The following CNNM2 variants were observed in gnomAD, a reference collection of about 807,000 sequenced individuals.
The protein encoded by CNNM2 is cyclin and CBS domain divalent metal cation transport mediator 2.
In CNNM2, 12 loss-of-function variants were observed where a neutral mutation model predicts 66.9. The ratio of observed to expected loss-of-function variants is 0.18; its 90% CI spans 0.11 to 0.29. CNNM2 has a LOEUF of 0.29. CNNM2 is among the 10% of genes least tolerant of loss of function. The pLI is 1.00. For synonymous variants in CNNM2, 557 were observed against 501.8 expected (o/e 1.11, Z -1.47); for missense variants, 705 against 1,167.7 (o/e 0.60, Z 5.77).
chr10:102,997,562 G>A (rs1408683662), intron 1 of CNNM2, among the ~76,000 whole-genome samples: 1 of 152,016 alleles, frequency 6.6e-6, no homozygotes, highest in Non-Finnish European at 1.5e-5. Context: ...TATTTATGTA[G>A]CATTTGTCTA....
intron 1 of CNNM2, among the ~76,000 whole-genome samples, chr10:103,030,499 G>A (rs1370180248): frequency 6.6e-6 from 1 of 152,192 alleles, no homozygotes; most frequent in Non-Finnish European, 1.5e-5. Context: ...TGGATCACTT[G>A]AGGTCAGGAG....
intron 4 of CNNM2, among the ~76,000 whole-genome samples, chr10:103,062,190 G>A (rs2065397793): frequency 6.6e-6 from 1 of 152,174 alleles, no homozygotes; most frequent in African/African-American, 2.4e-5. Context: ...CATGTGCCCG[G>A]CCCATCCACA....
chr10:102,957,819 A>G (rs1197515240), intron 1 of CNNM2, among the ~76,000 whole-genome samples: 1 of 152,218 alleles, frequency 6.6e-6, no homozygotes, highest in African/African-American at 2.4e-5. Context: ...TTACCTGGGC[A>G]TTACTTGTTT....
intron 1 of CNNM2, among the ~76,000 whole-genome samples, chr10:103,015,859 A>G (rs1218852035): frequency 6.6e-6 from 1 of 152,070 alleles, no homozygotes; most frequent in Non-Finnish European, 1.5e-5. Flanking sequence ...TCTCAAAAAA[A>G]CAACAACAAA....
intron 1 of CNNM2, among the ~76,000 whole-genome samples, chr10:102,926,265 C>T (rs1011858997): frequency 2.0e-5 from 3 of 152,174 alleles, no homozygotes; most frequent in African/African-American, 7.2e-5. Context: ...TATTGCGTTA[C>T]TAGGATCACC....
At chr10:102,990,981 G>T (rs1378688792) in intron 1 of CNNM2, among the ~76,000 whole-genome samples, 2 of 152,032 alleles carry the variant, frequency 1.3e-5, no homozygotes, top group African/African-American at 2.4e-5. Flanking sequence ...TTTCCATTGT[G>T]GCTGTAGGAA....
chr10:103,014,292 G>A (rs2134276063), intron 1 of CNNM2, among the ~76,000 whole-genome samples: 1 of 152,302 alleles, frequency 6.6e-6, no homozygotes, highest in East Asian at 1.9e-4. Context: ...TGGTATCAGT[G>A]ATACTAACGA....
intron 5 of CNNM2, among the ~76,000 whole-genome samples, chr10:103,069,234 TG>T (rs1186353718): frequency 2.0e-5 from 3 of 152,204 alleles, no homozygotes; most frequent in Admixed American, 1.3e-4. Context: ...TGATAGACAT[TG>T]GGGTAGTCCC....
intron 1 of CNNM2, among the ~76,000 whole-genome samples, chr10:102,970,397 C>G (rs2063530709): frequency 6.6e-6 from 1 of 152,178 alleles, no homozygotes; most frequent in Admixed American, 6.6e-5. Flanking sequence ...ACAGCCATGC[C>G]TATTCATTTA....
At chr10:102,965,584 C>T (rs576628763) in intron 1 of CNNM2, among the ~76,000 whole-genome samples, 1 of 152,216 alleles carries the variant, frequency 6.6e-6, no homozygotes, top group East Asian at 1.9e-4. Flanking sequence ...CTTTTAATTC[C>T]CTGTAGTGTC....
At position 103,047,205 on chromosome 10, in the gene CNNM2, G is replaced by C. The variant is rs368456716; in HGVS notation, c.1622-2502G>C. 7.9e-5 allele frequency among the ~76,000 whole-genome samples: 12 copies of C among 152,138 alleles called. No individual in the cohort carries two copies. In the East Asian group the frequency reaches 1.9e-3, roughly 24 times the overall value. ...ACAGCCTTAACCAAGTGATGAAAAA[G>C]GTGAATGTCAGCAGTGATGTCATAT... On this transcript the variant is annotated intron_variant, in intron 1 of 7. Transcript: ENST00000369878.
intron 1 of CNNM2, among the ~76,000 whole-genome samples, chr10:102,989,672 G>C (rs907261945): frequency 1.3e-5 from 2 of 151,712 alleles, no homozygotes; most frequent in Non-Finnish European, 2.9e-5. Flanking sequence ...GCATGGTGGC[G>C]CATCCTTGTG....
chr10:103,054,448 C>T lies in CNNM2; in HGVS notation c.1885C>T (p.His629Tyr). The T allele has an allele frequency of 6.2e-7, 1 of 1,613,896 alleles. No homozygotes were observed. Among genetic ancestry groups the T allele is most frequent in the Non-Finnish European group, 8.5e-7 (1 of 1,179,858 alleles). ...ATCACCACAGCTCCTCCTGGCCATG[C>T]ACCGTTTCCTAGCAACAGGCAAGTG... Reference protein sequence around the residue: ...KISPQLLLAMHRFLATEVEAF... With the variant: ...KISPQLLLAMYRFLATEVEAF... The change falls in exon 3 of 8, where the codon CAC becomes TAC. Residue 629 changes from histidine (H) to tyrosine (Y), a missense_variant. Transcript: ENST00000369878. The surrounding 1 kb of genome is among the most constrained non-coding windows in gnomAD (Gnocchi z 5.2).
rs569024198 is a variant in CNNM2, at chr10:102,980,425, A to G, written c.1621+60324A>G. On this transcript the variant is annotated intron_variant, in intron 1 of 7. Transcript: ENST00000369878. ...AGCTGGACTACAGGCGCATACCACTACACCTGGCTAATTTTTGTATCTTTT... is the reference window on the plus strand; with the variant it reads ...AGCTGGACTACAGGCGCATACCACTGCACCTGGCTAATTTTTGTATCTTTT... Among the ~76,000 whole-genome samples the G allele has an allele frequency of 5.3e-5, 8 of 150,596 alleles. No individual in the cohort carries two copies. In the South Asian group the frequency reaches 1.7e-3, roughly 32 times the overall value.
intron 6 of CNNM2, among the ~76,000 whole-genome samples, chr10:103,073,798 C>G (rs935821613): frequency 2.2e-5 from 3 of 134,490 alleles, no homozygotes; most frequent in Admixed American, 1.7e-4. Context: ...GGAAGCGGAA[C>G]TTGCAGTGAG....
rs1434364445 is a variant in CNNM2 at position 103,090,081 on chromosome 10, C to T, written c.*12901C>T. The stretch of plus-strand genomic sequence containing the variant: ...ACTACTTATAGTTGCCTGTCTTCCT[C>T]TCTCCCTGCCCCTCAAAATGGTGCC... On this transcript the variant is annotated 3_prime_UTR_variant, in exon 8 of 8. Transcript: ENST00000369878. The T allele has an allele frequency of 2.0e-6, 1 of 496,778 alleles. No individual in the cohort carries two copies. Among genetic ancestry groups the T allele is most frequent in the Admixed American group, 3.7e-5 (1 of 26,704 alleles). The allele number at this position is 496,778 out of a possible 1,614,324, so 30.8% of individuals were successfully genotyped here. A position where few individuals can be genotyped will look rare whatever the true frequency, so the allele number is the denominator to read the frequency against.
At chr10:102,991,554 A>T (rs1195216801) in intron 1 of CNNM2, among the ~76,000 whole-genome samples, 1 of 152,118 alleles carries the variant, frequency 6.6e-6, no homozygotes, top group African/African-American at 2.4e-5. Context: ...TTGCTTAACT[A>T]TCAGAATTTT....
At chr10:103,000,414 G>GT (rs1227851869) in intron 1 of CNNM2, among the ~76,000 whole-genome samples, 1 of 151,866 alleles carries the variant, frequency 6.6e-6, no homozygotes, top group African/African-American at 2.4e-5. Context: ...AGAGATATTT[G>GT]TACACCCCTT....
At chr10:103,009,879 C>T (rs1339862027) in intron 1 of CNNM2, among the ~76,000 whole-genome samples, 1 of 151,582 alleles carries the variant, frequency 6.6e-6, no homozygotes, top group East Asian at 1.9e-4. Flanking sequence ...TATATTAGTA[C>T]AGCACACCTG....
Sources: allele counts gnomAD v4.1 joint callset (sites outside exome capture counted in the v4.1 genomes callset), GRCh38; gene constraint gnomAD v4.1.1; non-coding constraint Gnocchi (gnomAD v3.1); transcripts MANE v1.5; gene names NCBI Gene and HGNC (gene_info 2026-07-23, HGNC 2026-07-21).